BRINP2: variants seen among roughly 807,000 people sequenced by gnomAD.
The protein encoded by BRINP2 is BMP/retinoic acid-inducible neural-specific protein 2.
In BRINP2, 21 loss-of-function variants were observed where a neutral mutation model predicts 69.2. The observed-to-expected ratio is 0.30, with a 90% CI of 0.22 to 0.44. The LOEUF (loss-of-function observed/expected upper bound fraction) is 0.44. Among genes scored for constraint, BRINP2 ranks in the 20% least tolerant of loss-of-function variants. The pLI, the probability that BRINP2 is intolerant of heterozygous loss-of-function variation, is 1.00. For missense variants in BRINP2, 877 were observed against 986.0 expected (o/e 0.89, Z 1.48); for synonymous variants, 380 against 394.1 (o/e 0.96, Z 0.42).
intron 1 of BRINP2, among the ~76,000 whole-genome samples, chr1:177,190,861 T>G (rs1025457671): frequency 7.2e-5 from 11 of 152,208 alleles, no homozygotes; most frequent in African/African-American, 2.7e-4. Context: ...GCAGATGATC[T>G]TTGTGTATCT....
At chr1:177,204,349 T>A (rs765889948) in intron 1 of BRINP2, among the ~76,000 whole-genome samples, 2 of 151,800 alleles carry the variant, frequency 1.3e-5, no homozygotes, top group East Asian at 1.9e-4. Flanking sequence ...TGTGAAGCCA[T>A]GGATGGAGGT....
At chr1:177,215,976 T>A (rs1049059645) in intron 1 of BRINP2, among the ~76,000 whole-genome samples, 3 of 152,140 alleles carry the variant, frequency 2.0e-5, no homozygotes, top group African/African-American at 7.2e-5. Flanking sequence ...ATCTTTTTTT[T>A]ATTCTTTCAT....
chr1:177,188,091 A>T (rs905558135), intron 1 of BRINP2, among the ~76,000 whole-genome samples: 1 of 151,936 alleles, frequency 6.6e-6, no homozygotes, highest in Non-Finnish European at 1.5e-5. Flanking sequence ...CTGGCTCATA[A>T]TTGCTTGATA....
intron 1 of BRINP2, among the ~76,000 whole-genome samples, chr1:177,188,674 A>AT (rs1380910652): frequency 2.0e-5 from 3 of 152,130 alleles, no homozygotes; most frequent in African/African-American, 7.2e-5. Flanking sequence ...TAACTCTTAT[A>AT]TTACTTCAGC....
At position 177,203,847 on chromosome 1, in the gene BRINP2, C is replaced by T. The variant is rs569640394; in HGVS notation, c.-76-25954C>T. 1.3e-3 allele frequency among the ~76,000 whole-genome samples: 197 copies of T among 152,246 alleles called. 1 individual carries two copies. Among genetic ancestry groups the T allele is most frequent in the African/African-American group, 4.1e-3 (172 of 41,556 alleles). Reference sequence around the variant, plus strand: ...CAAATATGTACAATCATAATTGAAACGTGCTATGAGTAAAAGAGAGGTGAT... The same window carrying T: ...CAAATATGTACAATCATAATTGAAATGTGCTATGAGTAAAAGAGAGGTGAT... On this transcript the variant is annotated intron_variant, in intron 1 of 7. Coordinates refer to ENST00000361539, the MANE Select transcript of BRINP2 (RefSeq NM_021165.4).
chr1:177,179,490 T>C (rs749374763), intron 1 of BRINP2, among the ~76,000 whole-genome samples: 3 of 152,144 alleles, frequency 2.0e-5, no homozygotes, highest in Non-Finnish European at 4.4e-5. Context: ...AATCTATTTG[T>C]CCCTCCTGTT....
At chr1:177,180,556 G>T (rs1271000034) in intron 1 of BRINP2, among the ~76,000 whole-genome samples, 8 of 152,180 alleles carry the variant, frequency 5.3e-5, no homozygotes, top group Non-Finnish European at 2.9e-5. Flanking sequence ...ATTCACAGTG[G>T]TTTTCATCTC....
At chr1:177,179,787 G>A (rs368676212) in intron 1 of BRINP2, among the ~76,000 whole-genome samples, 1 of 152,264 alleles carries the variant, frequency 6.6e-6, no homozygotes, top group African/African-American at 2.4e-5. Flanking sequence ...GAAGTGAATT[G>A]GACTGGAGGG....
intron 2 of BRINP2, among the ~76,000 whole-genome samples, chr1:177,242,374 T>G (rs1023798108): frequency 1.3e-5 from 2 of 152,188 alleles, no homozygotes; most frequent in African/African-American, 4.8e-5. Context: ...ACTGACCCTC[T>G]GCCATTGATT....
chr1:177,210,752 A>T (rs1347385457), intron 1 of BRINP2, among the ~76,000 whole-genome samples: 1 of 151,896 alleles, frequency 6.6e-6, no homozygotes, highest in East Asian at 1.9e-4. Context: ...TGACATCTAA[A>T]TAGAGAATCA....
intron 4 of BRINP2, among the ~76,000 whole-genome samples, chr1:177,273,271 T>C (rs543101308): frequency 2.6e-5 from 4 of 152,296 alleles, no homozygotes; most frequent in African/African-American, 9.6e-5. Flanking sequence ...CTTACTTATA[T>C]ATAACTGCTG....
chr1:177,208,042 C>A (rs917855801), intron 1 of BRINP2, among the ~76,000 whole-genome samples: 4 of 152,162 alleles, frequency 2.6e-5, no homozygotes, highest in African/African-American at 9.7e-5. Flanking sequence ...CCAGACAACC[C>A]ACTCTGGCCA....
At chr1:177,214,665 G>T (rs1649324212) in intron 1 of BRINP2, among the ~76,000 whole-genome samples, 1 of 152,164 alleles carries the variant, frequency 6.6e-6, no homozygotes, top group Non-Finnish European at 1.5e-5. Flanking sequence ...GGATTACATG[G>T]CAACAAACTT....
rs573452067 is a variant in BRINP2 at position 177,202,295 on chromosome 1, C to G, written c.-76-27506C>G. Reference sequence around the variant, plus strand: ...TCTAGTTCTTTTAATTGTGATGTTACGGTGTCAATTTTAGATCTTTCCTGC... The same window carrying G: ...TCTAGTTCTTTTAATTGTGATGTTAGGGTGTCAATTTTAGATCTTTCCTGC... On this transcript the variant is annotated intron_variant, in intron 1 of 7. Coordinates refer to ENST00000361539, the MANE Select transcript of BRINP2 (RefSeq NM_021165.4). Among the ~76,000 whole-genome samples, 778 of 151,650 alleles carry G rather than the reference C, an allele frequency of 5.1e-3. 5 individuals carry two copies. The highest frequency in any genetic ancestry group is 0.018 in the African/African-American group (737 of 41,346).
rs369575191 is a variant in BRINP2 at position 177,278,659 on chromosome 1, A to G, written c.1109A>G (p.His370Arg). ...QFWAMDTSLQ[H>R]RYQQLGAGLK... ...TGGGCCATGGACACCAGCCTTCAGC[A>G]CCGCTACCAGCAGCTGGGAGCTGGC... Residue 370 changes from histidine (H) to arginine (R), a missense_variant, in exon 7 of 8, where the codon CAC becomes CGC. Transcript: ENST00000361539. 2.0e-5 allele frequency: 33 copies of G among 1,614,090 alleles called. No individual in the cohort carries two copies. The highest frequency in any genetic ancestry group is 2.2e-5 in the South Asian group (2 of 91,086).
chr1:177,253,704 A>T (rs892948083), intron 2 of BRINP2, among the ~76,000 whole-genome samples: 6 of 152,014 alleles, frequency 3.9e-5, no homozygotes, highest in Admixed American at 3.3e-4. Flanking sequence ...TTTTGAGCTG[A>T]TTTTTGTACA....
chr1:177,256,188 A>T, intron 3 of BRINP2, 79 bp downstream of exon 3: 1 of 1,512,174 alleles, frequency 6.6e-7, no homozygotes, highest in Non-Finnish European at 9.0e-7. Flanking sequence ...GCGTAGCTCC[A>T]ACAGTCTTAT....
At chr1:177,226,050 C>G (rs1649680787) in intron 1 of BRINP2, among the ~76,000 whole-genome samples, 1 of 152,192 alleles carries the variant, frequency 6.6e-6, no homozygotes, top group African/African-American at 2.4e-5. Context: ...TAATTACAAA[C>G]AAAGAATAAC....
At chr1:177,266,115 A>G (rs1319480213) in intron 4 of BRINP2, among the ~76,000 whole-genome samples, 1 of 133,410 alleles carries the variant, frequency 7.5e-6, no homozygotes, top group African/African-American at 2.5e-5. Flanking sequence ...GTGAGACTCC[A>G]TCTCAAAATA....
Sources: allele counts gnomAD v4.1 joint callset (sites outside exome capture counted in the v4.1 genomes callset), GRCh38; gene constraint gnomAD v4.1.1; transcripts MANE v1.5; gene names NCBI Gene and HGNC (gene_info 2026-07-23, HGNC 2026-07-21).